Variants in KCNIP4 observed in about 807,000 individuals in gnomAD.
KCNIP4 encodes Kv channel-interacting protein 4.
Under a neutral mutation model 34.0 loss-of-function variants are expected in KCNIP4, and 12 were observed. The observed-to-expected ratio is 0.35, with a 90% CI of 0.23 to 0.57. KCNIP4 has a LOEUF of 0.57. Among genes scored for constraint, KCNIP4 ranks in the 20% least tolerant of loss-of-function variants. The pLI is 0.83. For synonymous variants in KCNIP4, 124 were observed against 102.2 expected (o/e 1.21, Z -1.29); for missense variants, 238 against 311.7 (o/e 0.76, Z 1.78).
chr4:21,570,891 A>C (rs1403770640), intron 1 of KCNIP4, among the ~76,000 whole-genome samples: 1 of 152,150 alleles, frequency 6.6e-6, no homozygotes, highest in East Asian at 1.9e-4. Flanking sequence ...TTATATGGGA[A>C]GTAACTGAAG....
At chr4:20,983,792 C>G in intron 1 of KCNIP4, 7 of 1,532,962 alleles carry the variant, frequency 4.6e-6, no homozygotes, top group East Asian at 2.4e-5. Flanking sequence ...CCCAACAGCA[C>G]AGACTGGAGC....
chr4:21,375,220 C>G (rs1200528866), intron 1 of KCNIP4, among the ~76,000 whole-genome samples: 1 of 131,068 alleles, frequency 7.6e-6, no homozygotes, highest in African/African-American at 4.4e-5. Context: ...TACATTCTGT[C>G]CAACCCTGAG....
intron 1 of KCNIP4, among the ~76,000 whole-genome samples, chr4:21,009,503 G>C (rs1403403716): frequency 6.6e-6 from 1 of 152,166 alleles, no homozygotes; most frequent in Non-Finnish European, 1.5e-5. Context: ...ATATATGTTT[G>C]ATTAGGTTTT....
intron 3 of KCNIP4, among the ~76,000 whole-genome samples, chr4:20,787,553 G>A (rs1300879376): frequency 6.6e-6 from 1 of 152,014 alleles, no homozygotes; most frequent in Non-Finnish European, 1.5e-5. Flanking sequence ...ATGTAAATAA[G>A]TCTGTATCTC....
chr4:20,741,426 T>C (rs910482459), intron 5 of KCNIP4, among the ~76,000 whole-genome samples: 5 of 152,150 alleles, frequency 3.3e-5, no homozygotes, highest in African/African-American at 9.7e-5. Context: ...CACTCAAAAC[T>C]GCACAACTAC....
At chr4:21,873,502 C>T (rs1725925119) in intron 1 of KCNIP4, among the ~76,000 whole-genome samples, 1 of 152,116 alleles carries the variant, frequency 6.6e-6, no homozygotes, top group Non-Finnish European at 1.5e-5. Context: ...TTAGAGTTAG[C>T]TAATACACAC....
At position 21,697,316 on chromosome 4, in the gene KCNIP4, T is replaced by TAAAA. The variant is rs537856921; in HGVS notation, c.61+251251_61+251254dup. ...ATTACCATGCTCTACTAGCCTCTAC[T>TAAAA]AAAAAAAAAAAAAAAAAAAAAAAAA... On this transcript the variant is annotated intron_variant, in intron 1 of 8. Transcript: ENST00000382152. The TAAAA allele has an allele frequency of 2.3e-4, 285 of 1,226,898 alleles. No homozygotes were observed. In the African/African-American group the frequency reaches 4.6e-3, roughly 20 times the overall value. The allele number at this position is 1,226,898 out of a possible 1,614,324, so 76.0% of individuals were successfully genotyped here.
At chr4:21,872,583 G>T (rs1024879919) in intron 1 of KCNIP4, among the ~76,000 whole-genome samples, 1 of 152,032 alleles carries the variant, frequency 6.6e-6, no homozygotes, top group Non-Finnish European at 1.5e-5. Context: ...AGAAAGGAGG[G>T]ACAGAGAAAA....
At chr4:20,953,309 G>T (rs1316287541) in intron 1 of KCNIP4, among the ~76,000 whole-genome samples, 3 of 152,106 alleles carry the variant, frequency 2.0e-5, no homozygotes, top group African/African-American at 7.2e-5. Flanking sequence ...GTATCTGTCT[G>T]TTTGACTTCA....
chr4:21,025,744 T>C (rs1006947061), intron 1 of KCNIP4, among the ~76,000 whole-genome samples: 2 of 151,702 alleles, frequency 1.3e-5, no homozygotes, highest in African/African-American at 4.8e-5. Context: ...TTAGAAGAGA[T>C]GGGGTTTCAC....
At chr4:21,343,558 T>C (rs1174515810) in intron 1 of KCNIP4, among the ~76,000 whole-genome samples, 2 of 152,182 alleles carry the variant, frequency 1.3e-5, no homozygotes, top group African/African-American at 4.8e-5. Flanking sequence ...ATTCGACCCA[T>C]AGAATAAAAA....
At chr4:21,780,676 A>T (rs921368586) in intron 1 of KCNIP4, among the ~76,000 whole-genome samples, 4 of 152,204 alleles carry the variant, frequency 2.6e-5, no homozygotes, top group Non-Finnish European at 4.4e-5. Flanking sequence ...CTTAAGACTG[A>T]AAGATGCTTT....
rs541214980 is a variant in KCNIP4 at position 21,757,582 on chromosome 4, A to C, written c.61+190989T>G. 8.5e-5 allele frequency among the ~76,000 whole-genome samples: 13 copies of C among 152,300 alleles called. No homozygotes were observed. In the South Asian group the frequency reaches 2.7e-3, roughly 32 times the overall value. On this transcript the variant is annotated intron_variant, in intron 1 of 8. Transcript: ENST00000382152. Reference sequence around the variant, plus strand: ...TTTCTTTTTTAGAGACGTCTTCACCATTTATTACAGATTGAGCCAGAGACT... The same window carrying C: ...TTTCTTTTTTAGAGACGTCTTCACCCTTTATTACAGATTGAGCCAGAGACT...
chr4:21,246,892 A>C (rs553604525), intron 1 of KCNIP4, among the ~76,000 whole-genome samples: 76 of 152,360 alleles, frequency 5.0e-4, no homozygotes, highest in South Asian at 1.2e-3. Context: ...CTCAACTATT[A>C]TCATTTAAAA....
chr4:21,013,167 A>G (rs1461138491), intron 1 of KCNIP4, among the ~76,000 whole-genome samples: 1 of 152,190 alleles, frequency 6.6e-6, no homozygotes, highest in Non-Finnish European at 1.5e-5. Context: ...AGACGCAGCA[A>G]TGGAATGTGA....
chr4:21,558,511 A>AATAAATAAATAT (rs1452592631), intron 1 of KCNIP4, among the ~76,000 whole-genome samples: 3 of 151,570 alleles, frequency 2.0e-5, no homozygotes, highest in Non-Finnish European at 2.9e-5. Flanking sequence ...TAAATAAATA[A>AATAAATAAATAT]ATATATAAAT....
intron 1 of KCNIP4, among the ~76,000 whole-genome samples, chr4:21,384,812 A>G (rs1721868846): frequency 6.6e-6 from 1 of 152,238 alleles, no homozygotes; most frequent in South Asian, 2.1e-4. Context: ...TTGGGAGGTA[A>G]TGAGATTTTT....
intron 1 of KCNIP4, among the ~76,000 whole-genome samples, chr4:21,125,488 T>A (rs1750544281): frequency 6.6e-6 from 1 of 152,094 alleles, no homozygotes; most frequent in Admixed American, 6.6e-5. Context: ...GTGTTGGGAT[T>A]CCAGGTGTGA....
intron 1 of KCNIP4, among the ~76,000 whole-genome samples, chr4:21,139,440 G>C (rs564507314): frequency 3.3e-5 from 5 of 152,176 alleles, no homozygotes; most frequent in Non-Finnish European, 7.3e-5. Flanking sequence ...CTGTGAATTT[G>C]GATACATGGC....
Sources: gnomAD v4.1 joint callset for allele counts (sites outside exome capture counted in the v4.1 genomes callset) on GRCh38, gnomAD v4.1.1 for gene constraint, MANE v1.5 for transcripts, NCBI Gene and HGNC (gene_info 2026-07-23, HGNC 2026-07-21) for gene names.